The following SEC24D variants were observed in gnomAD, a reference collection of about 807,000 sequenced individuals.
The protein encoded by SEC24D is SEC24 homolog D, COPII component.
In SEC24D, 69 loss-of-function variants were observed where a neutral mutation model predicts 116.9. The observed-to-expected ratio is 0.59, with a 90% CI of 0.49 to 0.72. SEC24D has a LOEUF of 0.72. SEC24D is among the 30% of genes least tolerant of loss of function. The probability of loss-of-function intolerance (pLI) is 0.00; values close to 1 mark genes in which losing one functional copy is unlikely to be tolerated. For synonymous variants in SEC24D, 405 were observed against 442.8 expected (o/e 0.91, Z 1.07); for missense variants, 1,131 against 1,264.1 (o/e 0.89, Z 1.60).
intron 10 of SEC24D, among the ~76,000 whole-genome samples, chr4:118,762,258 A>C (rs1270050568): frequency 6.6e-6 from 1 of 152,058 alleles, no homozygotes; most frequent in Non-Finnish European, 1.5e-5. Context: ...TTGTGTTAAT[A>C]CTTGCTCATG....
At chr4:118,823,952 T>C (rs946834083) in intron 3 of SEC24D, among the ~76,000 whole-genome samples, 5 of 152,168 alleles carry the variant, frequency 3.3e-5, no homozygotes, top group African/African-American at 1.2e-4. Context: ...AGCTCAGTTC[T>C]GTGAAGGATC....
chr4:118,798,851 T>C (rs1169789174), intron 7 of SEC24D, among the ~76,000 whole-genome samples: 2 of 151,746 alleles, frequency 1.3e-5, no homozygotes, highest in Non-Finnish European at 2.9e-5. Context: ...ATGCCCGGAG[T>C]AGTGACAGCA....
chr4:118,730,839 G>A (rs1725645778), intron 21 of SEC24D: 1 of 156,504 alleles, frequency 6.4e-6, no homozygotes, highest in Non-Finnish European at 1.4e-5. Context: ...AAACACTTAT[G>A]AAAGATTTCT....
chr4:118,744,425 G>A (rs1361002723), intron 14 of SEC24D, among the ~76,000 whole-genome samples: 2 of 152,218 alleles, frequency 1.3e-5, no homozygotes, highest in Non-Finnish European at 2.9e-5. Flanking sequence ...TAATGGAGCT[G>A]ATACTGCAGC....
At chr4:118,736,807 C>T (rs559088097) in intron 19 of SEC24D, among the ~76,000 whole-genome samples, 76 of 152,332 alleles carry the variant, frequency 5.0e-4, no homozygotes, top group Non-Finnish European at 1.0e-3. Context: ...CTCCTATCAA[C>T]TTATTCAGAG....
At position 118,729,040 on chromosome 4, in the gene SEC24D, T is replaced by G. The variant is rs79752705; in HGVS notation, c.2869-390A>C. ...AAAGGCATGGATTTTGGGTTTTTTT[T>G]GTCATTATTCTGTAAACAATATAGT... is the stretch of plus-strand genomic sequence containing the variant. On this transcript the variant is annotated intron_variant, in intron 21 of 22. Transcript: ENST00000280551. 1,143 of 164,644 alleles carry G rather than the reference T, an allele frequency of 6.9e-3. 19 individuals carry two copies. The highest frequency in any genetic ancestry group is 0.026 in the African/African-American group (1,086 of 41,800). The allele number at this position is 164,644 out of a possible 1,614,324, so 10.2% of individuals were successfully genotyped here.
intron 21 of SEC24D, chr4:118,729,639 G>A (rs749523471): frequency 2.0e-5 from 3 of 152,220 alleles, no homozygotes; most frequent in African/African-American, 4.8e-5. Flanking sequence ...CCAGCTGCAC[G>A]TGGCATCCAG....
chr4:118,786,874 A>G (rs186548249), intron 8 of SEC24D, among the ~76,000 whole-genome samples: 29 of 152,316 alleles, frequency 1.9e-4, no homozygotes, highest in African/African-American at 6.7e-4. Context: ...AAATTAAATC[A>G]TGGCAGAATG....
intron 19 of SEC24D, chr4:118,736,532 TC>T: frequency 3.3e-6 from 1 of 302,976 alleles, no homozygotes; most frequent in African/African-American, 2.3e-5. Context: ...CCTTTAGGAA[TC>T]TCTCCATCTT....
chr4:118,745,685 T>C (rs1726485313), intron 13 of SEC24D, among the ~76,000 whole-genome samples: 2 of 152,202 alleles, frequency 1.3e-5, no homozygotes, highest in African/African-American at 4.8e-5. Context: ...CAAGTCAGCA[T>C]TAAGAATCAA....
At chr4:118,824,805 C>T in intron 2 of SEC24D, 56 bp from the exon 3 acceptor site, 1 of 1,465,116 alleles carries the variant, frequency 6.8e-7, no homozygotes, top group African/African-American at 1.4e-5. Context: ...AGAGATGAGG[C>T]AAAGTCATTA....
chr4:118,783,135 G>A (rs565253152), intron 8 of SEC24D, among the ~76,000 whole-genome samples: 10 of 152,324 alleles, frequency 6.6e-5, no homozygotes, highest in Admixed American at 6.5e-4. Context: ...GTCCTAATGA[G>A]ATGAACCAGG....
At chr4:118,756,302 C>G (rs943512469) in intron 11 of SEC24D, among the ~76,000 whole-genome samples, 5 of 152,128 alleles carry the variant, frequency 3.3e-5, no homozygotes, top group Non-Finnish European at 1.5e-5. Context: ...ACAAACACAT[C>G]TGCAGGCATC....
chr4:118,731,377 G>C lies in SEC24D; in HGVS notation c.2807C>G (p.Pro936Arg). 1 of 1,613,962 alleles carries C rather than the reference G, an allele frequency of 6.2e-7. No homozygotes were observed. The highest frequency in any genetic ancestry group is 8.5e-7 in the Non-Finnish European group (1 of 1,179,890). ...HMFLWLGVSS[P>R]PELIQGIFNV... Reference sequence around the variant, plus strand: ...AAATATTCCTTGGATCAGTTCTGGTGGGCTGCTTACTCCCAACCACAGGAA... The same window carrying C: ...AAATATTCCTTGGATCAGTTCTGGTCGGCTGCTTACTCCCAACCACAGGAA... Residue 936 changes from proline (P) to arginine (R), a missense_variant, in exon 21 of 23, where the codon CCA becomes CGA. Physicochemically the swap from Pro to Arg is moderately radical, Grantham distance 103. Transcript: ENST00000280551.
At chr4:118,741,596 G>A (rs938020356) in intron 15 of SEC24D, among the ~76,000 whole-genome samples, 2 of 152,172 alleles carry the variant, frequency 1.3e-5, no homozygotes, top group African/African-American at 4.8e-5. Context: ...GGTCACCCAA[G>A]AGAGGAAACA....
Position 118,797,772 on chromosome 4 carries a change from A to G in SEC24D, c.952T>C (p.Cys318Arg). 1.9e-6 allele frequency: 3 copies of G among 1,611,440 alleles called. No homozygotes were observed. The highest frequency in any genetic ancestry group is 2.5e-6 in the Non-Finnish European group (3 of 1,178,088). The change falls in exon 8 of 23, where the codon TGT becomes CGT. Residue 318 changes from cysteine (C) to arginine (R), a missense_variant. Cys to Arg is a radical substitution (Grantham distance 180). Transcript: ENST00000280551. ...GCCATATCTGACGTGCATGGAAAAC[A>G]GTATGTTGTACAACGGATGAATCGA... ...SPRFIRCTTY[C>R]FPCTSDMAKQ...
intron 9 of SEC24D, 123 bp from the exon 10 acceptor site, chr4:118,765,040 G>A: frequency 8.1e-6 from 5 of 617,656 alleles, no homozygotes; most frequent in Admixed American, 2.7e-5. Context: ...TTTTAAAGCT[G>A]GAATGTAGTA....
At chr4:118,745,146 C>T in intron 13 of SEC24D, 86 bp from the exon 14 acceptor site, 1 of 763,834 alleles carries the variant, frequency 1.3e-6, no homozygotes, top group Non-Finnish European at 2.2e-6. Context: ...AATATAAGTT[C>T]TTTCTATGAG....
At chr4:118,816,940 A>T (rs1730176764) in intron 4 of SEC24D, 5 of 303,840 alleles carry the variant, frequency 1.6e-5, no homozygotes, top group South Asian at 1.5e-4. Context: ...GGTTTAAATT[A>T]TCCTTATTTA....
Sources: gnomAD v4.1 joint callset for allele counts (sites outside exome capture counted in the v4.1 genomes callset) on GRCh38, gnomAD v4.1.1 for gene constraint, MANE v1.5 for transcripts, NCBI Gene and HGNC (gene_info 2026-07-23, HGNC 2026-07-21) for gene names.